The following RALY variants were observed in gnomAD, a reference collection of about 807,000 sequenced individuals.
RALY encodes the protein RNA-binding protein Raly.
Under a neutral mutation model 30.7 loss-of-function variants are expected in RALY, and 15 were observed. The observed-to-expected ratio is 0.49, with a 90% confidence interval of 0.33 to 0.75. RALY has a LOEUF of 0.75. RALY is among the 30% of genes least tolerant of loss of function. The pLI, the probability that RALY is intolerant of heterozygous loss-of-function variation, is 0.02. For missense variants in RALY, 339 were observed against 414.3 expected (o/e 0.82, Z 1.58); for synonymous variants, 177 against 170.8 (o/e 1.04, Z -0.28).
chr20:34,058,502 T>TACTC (rs3083064), intron 2 of RALY, among the ~76,000 whole-genome samples: 1 of 11,118 alleles, frequency 9.0e-5, no homozygotes, highest in Non-Finnish European at 1.4e-4. Flanking sequence ...CCTATCCCCA[T>TACTC]ACTTCTCAAT....
intron 2 of RALY, chr20:34,033,124 T>C (rs1291996038): frequency 6.6e-6 from 1 of 152,208 alleles, no homozygotes; most frequent in Non-Finnish European, 1.5e-5. Context: ...TTGAGAAACC[T>C]AGGTTTTTAT....
Position 34,078,561 on chromosome 20 carries a change from G to C in RALY, c.*4+8G>C. 1 of 1,564,542 alleles carries C rather than the reference G, an allele frequency of 6.4e-7. No individual in the cohort carries two copies. The highest frequency in any genetic ancestry group is 1.4e-5 in the African/African-American group (1 of 72,720). ...GGGCCTTGCAGTAAGCAGGTACAGG[G>C]GTCCTGTCCTGATGGGCAGAGGGTG... On this transcript the variant is annotated splice_region_variant and intron_variant, in intron 9 of 9. Transcript: ENST00000246194.
chr20:34,044,301 G>C (rs1344905021), intron 2 of RALY, among the ~76,000 whole-genome samples: 1 of 152,022 alleles, frequency 6.6e-6, no homozygotes, highest in Non-Finnish European at 1.5e-5. Flanking sequence ...GTACGAGTAT[G>C]TAGCTGTGTG....
At chr20:34,048,193 C>T (rs771320832) in intron 2 of RALY, among the ~76,000 whole-genome samples, 3 of 152,198 alleles carry the variant, frequency 2.0e-5, no homozygotes, top group Non-Finnish European at 4.4e-5. Context: ...GCTCTGGACT[C>T]GTTAAAATGC....
At chr20:34,027,979 T>C (rs1460679271) in intron 1 of RALY, among the ~76,000 whole-genome samples, 1 of 151,998 alleles carries the variant, frequency 6.6e-6, no homozygotes, top group Non-Finnish European at 1.5e-5. Context: ...CCAGACTAAG[T>C]AGGAGGAATA....
intron 1 of RALY, among the ~76,000 whole-genome samples, chr20:34,026,433 C>G (rs993924600): frequency 2.6e-5 from 4 of 151,462 alleles, no homozygotes; most frequent in African/African-American, 7.3e-5. Flanking sequence ...GGCGGAGTCT[C>G]GCTCTGTCGC....
chr20:34,039,163 G>A (rs2032606501), intron 2 of RALY, among the ~76,000 whole-genome samples: 2 of 152,316 alleles, frequency 1.3e-5, no homozygotes, highest in Admixed American at 6.5e-5. Context: ...TCCTGCTTAA[G>A]CCTGCAGCAG....
intron 1 of RALY, among the ~76,000 whole-genome samples, chr20:34,006,526 C>G (rs1326980970): frequency 6.6e-6 from 1 of 152,178 alleles, no homozygotes; most frequent in Admixed American, 6.5e-5. Flanking sequence ...GTCTTCAAGT[C>G]TCGTTTAATT....
At chr20:34,051,598 CT>C (rs904808281) in intron 2 of RALY, among the ~76,000 whole-genome samples, 4 of 151,318 alleles carry the variant, frequency 2.6e-5, no homozygotes, top group Non-Finnish European at 4.4e-5. Flanking sequence ...AAATTTGATA[CT>C]TTTTTTTTGT....
chr20:34,004,054 T>C (rs2031050240), intron 1 of RALY, among the ~76,000 whole-genome samples: 1 of 152,144 alleles, frequency 6.6e-6, no homozygotes, highest in Admixed American at 6.5e-5. Context: ...GAAGCCATTC[T>C]GGTTAGTAGT....
rs1170386857 is a variant in RALY, at chr20:34,080,864, A to C, written c.*959A>C. 6.6e-6 allele frequency: 1 copy of C among 152,174 alleles called. No homozygotes were observed. Among genetic ancestry groups the C allele is most frequent in the Non-Finnish European group, 1.5e-5 (1 of 68,080 alleles). The allele number at this position is 152,174 out of a possible 1,614,324, so 9.4% of individuals were successfully genotyped here. On this transcript the variant is annotated 3_prime_UTR_variant, in exon 10 of 10. Transcript: ENST00000246194. ...AAACCCTACATCTCAGTCTCACAAA[A>C]CACACAAGTTCTTCACACTCCGGGC...
rs755833155 is a variant in RALY, at chr20:34,077,104, T to C, written c.735T>C (p.Gly245=). Reference sequence around the variant, plus strand: ...GTGGCAGCGGTGGCGGTGGCAGTGGTGGTGGCGGTGGCGGTGGCAGCAGCC... The same window carrying C: ...GTGGCAGCGGTGGCGGTGGCAGTGGCGGTGGCGGTGGCGGTGGCAGCAGCC... ...GGGGSGGGGS[G]GGGGGGSSRP... The change falls in exon 8 of 10, where the codon GGT becomes GGC. Residue 245 remains glycine, a synonymous_variant. Transcript: ENST00000246194. 1.7e-5 allele frequency: 28 copies of C among 1,601,812 alleles called. No individual in the cohort carries two copies. In the African/African-American group the frequency reaches 2.0e-4, roughly 11 times the overall value.
chr20:34,077,423 C>T, intron 8 of RALY, 178 bp downstream of exon 8: 5 of 1,394,208 alleles, frequency 3.6e-6, no homozygotes, highest in Admixed American at 2.3e-5. Flanking sequence ...ACTTGCCTAT[C>T]TCAGACACCA....
Position 34,073,584 on chromosome 20 carries a change from C to T in RALY, c.278C>T (p.Pro93Leu), listed in dbSNP as rs1357123148. The T allele has an allele frequency of 6.2e-7, 1 of 1,603,570 alleles. No individual in the cohort carries two copies. Among genetic ancestry groups the T allele is most frequent in the Non-Finnish European group, 8.5e-7 (1 of 1,170,346 alleles). Residue 93 changes from proline (P) to leucine (L), a missense_variant, in exon 4 of 10, where the codon CCT becomes CTT. Pro to Leu is a moderately conservative substitution (Grantham distance 98). Coordinates refer to ENST00000246194, the MANE Select transcript of RALY (RefSeq NM_016732.3). ...QTLDINMAGEPKPDRPKGLKR... is the reference protein window; with the variant it reads ...QTLDINMAGELKPDRPKGLKR... ...ACAGACATCAACATGGCTGGAGAGC[C>T]TAAGCCTGACAGACCCAAGGGGCTA...
chr20:34,002,887 T>TTTTGAAATAAATATGCTCTA (rs1481645437), intron 1 of RALY, among the ~76,000 whole-genome samples: 2 of 152,214 alleles, frequency 1.3e-5, no homozygotes, highest in East Asian at 3.8e-4. Context: ...TTATGCTCTA[T>TTTTGAAATAAATATGCTCTA]TTTGAAATAA....
At chr20:34,058,874 C>G (rs1418133168) in intron 2 of RALY, among the ~76,000 whole-genome samples, 1 of 152,124 alleles carries the variant, frequency 6.6e-6, no homozygotes, top group Non-Finnish European at 1.5e-5. Context: ...GAACTTGATT[C>G]TTTATGGTGG....
intron 1 of RALY, among the ~76,000 whole-genome samples, chr20:34,008,454 C>T (rs923847612): frequency 6.6e-6 from 1 of 152,164 alleles, no homozygotes; most frequent in South Asian, 2.1e-4. Flanking sequence ...TTGTGATGTT[C>T]AGGGAGCAGA....
chr20:33,997,059 A>G (rs955129989), intron 1 of RALY, among the ~76,000 whole-genome samples: 4 of 152,148 alleles, frequency 2.6e-5, no homozygotes, highest in Non-Finnish European at 4.4e-5. Flanking sequence ...GATGTTCTGT[A>G]TCACTGAAGC....
intron 1 of RALY, among the ~76,000 whole-genome samples, chr20:34,014,414 G>GAC (rs2031529681): frequency 6.6e-6 from 1 of 152,170 alleles, no homozygotes; most frequent in South Asian, 2.1e-4. Flanking sequence ...TGAATGTAGA[G>GAC]TTTGTTTTTG....
Sources: gnomAD v4.1 joint callset for allele counts (sites outside exome capture counted in the v4.1 genomes callset) on GRCh38, gnomAD v4.1.1 for gene constraint, MANE v1.5 for transcripts, NCBI Gene and HGNC (gene_info 2026-07-23, HGNC 2026-07-21) for gene names.